Variants in RAPGEF2 observed in about 807,000 individuals in gnomAD.
RAPGEF2 encodes the protein PDZ domain containing guanine nucleotide exchange factor (GEF) 1.
In RAPGEF2, 54 loss-of-function variants were observed where a neutral mutation model predicts 186.7. The observed-to-expected ratio is 0.29, with a 90% CI of 0.23 to 0.36. The LOEUF is 0.36. Ranked by LOEUF, RAPGEF2 falls within the 10% of genes least tolerant of loss-of-function variation. The pLI is 1.00. For synonymous variants in RAPGEF2, 712 were observed against 705.9 expected (o/e 1.01, Z -0.14); for missense variants, 1,532 against 2,045.0 (o/e 0.75, Z 4.84).
intron 7 of RAPGEF2, among the ~76,000 whole-genome samples, chr4:159,291,329 G>T (rs969404506): frequency 6.6e-6 from 1 of 152,126 alleles, no homozygotes; most frequent in African/African-American, 2.4e-5. Context: ...TTGAGACAAG[G>T]TTTCACTCTG....
At chr4:159,149,126 T>C (rs1372815666) in intron 1 of RAPGEF2, among the ~76,000 whole-genome samples, 1 of 152,242 alleles carries the variant, frequency 6.6e-6, no homozygotes, top group Non-Finnish European at 1.5e-5. Flanking sequence ...TGGGAAATAC[T>C]GTTCTAAATA....
chr4:159,125,757 C>T (rs896904420), intron 1 of RAPGEF2, among the ~76,000 whole-genome samples: 21 of 110,582 alleles, frequency 1.9e-4, no homozygotes, highest in Non-Finnish European at 3.1e-4. Context: ...GAATCTGTCT[C>T]GAAAAAAAAA....
chr4:159,275,873 T>C (rs1162504654), intron 7 of RAPGEF2, among the ~76,000 whole-genome samples: 1 of 152,046 alleles, frequency 6.6e-6, no homozygotes, highest in Non-Finnish European at 1.5e-5. Flanking sequence ...AAAAAACGGG[T>C]AACCCAGACA....
At chr4:159,207,286 G>A (rs1277758966) in intron 3 of RAPGEF2, among the ~76,000 whole-genome samples, 1 of 152,156 alleles carries the variant, frequency 6.6e-6, no homozygotes, top group Non-Finnish European at 1.5e-5. Flanking sequence ...TAGGCTAATC[G>A]ACGGGTGGTA....
rs964450822 is a variant in RAPGEF2 at position 159,346,973 on chromosome 4, G to T, written c.3687G>T (p.Val1229=). Residue 1229 remains valine, a synonymous_variant, in exon 25 of 30, where the codon GTG becomes GTT. Coordinates refer to ENST00000691494, the MANE Select transcript of RAPGEF2 (RefSeq NM_001394067.2). Reference sequence around the variant, plus strand: ...CCCTTTATCCTTCACGGAAGAAAGTGCCCGTAAAGGATCTCCCACCTTTTG... The same window carrying T: ...CCCTTTATCCTTCACGGAAGAAAGTTCCCGTAAAGGATCTCCCACCTTTTG... The part of the protein sequence containing the change: ...AVSLYPSRKK[V]PVKDLPPFGI... 6 of 1,613,848 alleles carry T rather than the reference G, an allele frequency of 3.7e-6. No individual in the cohort carries two copies. In the South Asian group the frequency reaches 6.6e-5, roughly 18 times the overall value.
chr4:159,211,693 T>G (rs1395702278), intron 4 of RAPGEF2, among the ~76,000 whole-genome samples: 1 of 152,236 alleles, frequency 6.6e-6, no homozygotes, highest in Non-Finnish European at 1.5e-5. Flanking sequence ...GTGGCCAGAA[T>G]GCTAGTGAAG....
intron 7 of RAPGEF2, among the ~76,000 whole-genome samples, chr4:159,284,765 C>G (rs920836815): frequency 2.6e-5 from 4 of 152,194 alleles, no homozygotes; most frequent in Non-Finnish European, 4.4e-5. Context: ...TTAACTTACT[C>G]TTCTACCTGG....
At chr4:159,104,512 G>GAGAGAGAGAGAC (rs1737592112) in intron 1 of RAPGEF2, among the ~76,000 whole-genome samples, 1 of 130,468 alleles carries the variant, frequency 7.7e-6, no homozygotes, top group African/African-American at 3.4e-5. Flanking sequence ...GAGAGAGAGA[G>GAGAGAGAGAGAC]AGAGAGAGAG....
rs180937514 is a variant in RAPGEF2 at position 159,239,711 on chromosome 4, G to A, written c.357+827G>A. Reference sequence around the variant, plus strand: ...TTTAGTAACAAAAATAAGATGAGGTGGAAGGGGAGTTTCCCAGCCTAGACA... The same window carrying A: ...TTTAGTAACAAAAATAAGATGAGGTAGAAGGGGAGTTTCCCAGCCTAGACA... On this transcript the variant is annotated intron_variant, in intron 5 of 29. Transcript: ENST00000691494. 1.4e-3 allele frequency among the ~76,000 whole-genome samples: 207 copies of A among 152,234 alleles called. 3 individuals carry two copies. The highest frequency in any genetic ancestry group is 2.4e-4 in the Non-Finnish European group (16 of 67,992).
intron 2 of RAPGEF2, among the ~76,000 whole-genome samples, chr4:159,189,980 T>G (rs1747949654): frequency 6.6e-6 from 1 of 152,172 alleles, no homozygotes; most frequent in African/African-American, 2.4e-5. Context: ...TGTTACTTTA[T>G]TTAGTATGCT....
chr4:159,282,440 A>G (rs745916541), intron 7 of RAPGEF2: 13 of 219,888 alleles, frequency 5.9e-5, no homozygotes, highest in Non-Finnish European at 1.1e-4. Flanking sequence ...GCTTAGTAAG[A>G]CCTGTCTTTG....
At chr4:159,239,505 C>T (rs1386862032) in intron 5 of RAPGEF2, among the ~76,000 whole-genome samples, 1 of 152,116 alleles carries the variant, frequency 6.6e-6, no homozygotes, top group African/African-American at 2.4e-5. Flanking sequence ...CTGTTGACAT[C>T]TTTTCCCTCT....
At chr4:159,196,528 T>C (rs1393063801) in intron 3 of RAPGEF2, among the ~76,000 whole-genome samples, 1 of 144,906 alleles carries the variant, frequency 6.9e-6, no homozygotes, top group East Asian at 1.9e-4. Flanking sequence ...CAGGTAAATA[T>C]AATACTCTTT....
chr4:159,106,741 T>C (rs1029939918), intron 1 of RAPGEF2, among the ~76,000 whole-genome samples: 16 of 152,214 alleles, frequency 1.1e-4, no homozygotes, highest in African/African-American at 3.6e-4. Context: ...TTTTAAAGGC[T>C]TGCTGGCCTC....
intron 7 of RAPGEF2, among the ~76,000 whole-genome samples, chr4:159,249,530 T>C (rs1755052254): frequency 6.6e-6 from 1 of 151,952 alleles, no homozygotes; most frequent in Non-Finnish European, 1.5e-5. Flanking sequence ...TTTTATGGAA[T>C]ATATAGATGC....
intron 29 of RAPGEF2, among the ~76,000 whole-genome samples, chr4:159,357,262 G>T (rs1404466162): frequency 6.6e-6 from 1 of 152,198 alleles, no homozygotes; most frequent in Non-Finnish European, 1.5e-5. Context: ...TATGGAGGCT[G>T]AAGTGGAAGG....
intron 1 of RAPGEF2, among the ~76,000 whole-genome samples, chr4:159,114,100 G>A (rs1180377347): frequency 6.6e-6 from 1 of 151,102 alleles, no homozygotes; most frequent in Non-Finnish European, 1.5e-5. Context: ...CCGCAGGCAT[G>A]CACCATCATA....
At chr4:159,198,351 TTTCC>T (rs1191214750) in intron 3 of RAPGEF2, among the ~76,000 whole-genome samples, 2 of 143,208 alleles carry the variant, frequency 1.4e-5, no homozygotes, top group African/African-American at 2.6e-5. Flanking sequence ...TTTCTCTCTC[TTTCC>T]TTCCTTCCTT....
chr4:159,144,879 G>GTTTTTTTTTTTTTTTTTT (rs137978885), intron 1 of RAPGEF2, among the ~76,000 whole-genome samples: 1 of 92,338 alleles, frequency 1.1e-5, no homozygotes, highest in African/African-American at 4.2e-5. Flanking sequence ...CTTTCTTCCT[G>GTTTTTTTTTTTTTTTTTT]TTTTTTTTTT....
Sources: allele counts gnomAD v4.1 joint callset (sites outside exome capture counted in the v4.1 genomes callset), GRCh38; gene constraint gnomAD v4.1.1; transcripts MANE v1.5; gene names NCBI Gene and HGNC (gene_info 2026-07-23, HGNC 2026-07-21).